The following GRM5 variants were observed in gnomAD, a reference collection of about 807,000 sequenced individuals.
GRM5 encodes the protein metabotropic glutamate receptor 5.
Under a neutral mutation model 83.1 loss-of-function variants are expected in GRM5, and 19 were observed. The ratio of observed to expected loss-of-function variants is 0.23; its 90% CI spans 0.16 to 0.34. The LOEUF is 0.34. GRM5 is among the 10% of genes least tolerant of loss of function. The probability of loss-of-function intolerance (pLI) is 1.00; values close to 1 mark genes in which losing one functional copy is unlikely to be tolerated. For synonymous variants in GRM5, 675 were observed against 633.6 expected, an observed-to-expected ratio of 1.07 and a Z score of -0.98; for missense variants, 1,160 against 1,588.3, an observed-to-expected ratio of 0.73 and a Z score of 4.58.
chr11:88,864,097 T>C (rs1944616546), intron 2 of GRM5, among the ~76,000 whole-genome samples: 1 of 147,142 alleles, frequency 6.8e-6, no homozygotes, highest in Non-Finnish European at 1.5e-5. Context: ...CAGAAGGAGT[T>C]GACTTTGGCA....
intron 3 of GRM5, among the ~76,000 whole-genome samples, chr11:88,700,086 T>C (rs948572456): frequency 6.6e-6 from 1 of 152,102 alleles, no homozygotes; most frequent in African/African-American, 2.4e-5. Context: ...TGAATAAGTA[T>C]GAATTATTGG....
At chr11:88,631,997 A>G (rs1938983064) in intron 4 of GRM5, among the ~76,000 whole-genome samples, 1 of 152,164 alleles carries the variant, frequency 6.6e-6, no homozygotes, top group Non-Finnish European at 1.5e-5. Flanking sequence ...TTAAAGTACT[A>G]TTGACATAGA....
rs975937605 is a variant in GRM5, at chr11:88,507,673, C to T, written c.*919G>A. ...ACGCAACAGCATTCCTAAAGAGTGGCCATGTTTCTTGAAAGAGATAGCCAG... is the reference window on the plus strand; with the variant it reads ...ACGCAACAGCATTCCTAAAGAGTGGTCATGTTTCTTGAAAGAGATAGCCAG... On this transcript the variant is annotated 3_prime_UTR_variant, in exon 10 of 10. Transcript: ENST00000305447. The T allele has an allele frequency of 6.6e-6, 1 of 152,306 alleles. No individual in the cohort carries two copies. Among genetic ancestry groups the T allele is most frequent in the Non-Finnish European group, 1.5e-5 (1 of 68,022 alleles). The allele number at this position is 152,306 out of a possible 1,614,324, so 9.4% of individuals were successfully genotyped here. A position where few individuals can be genotyped will look rare whatever the true frequency, so the allele number is the denominator to read the frequency against.
At chr11:88,554,598 C>T (rs918097466) in intron 8 of GRM5, among the ~76,000 whole-genome samples, 1 of 152,130 alleles carries the variant, frequency 6.6e-6, no homozygotes, top group Non-Finnish European at 1.5e-5. Flanking sequence ...GAGATACTAG[C>T]CAACTTATAT....
intron 2 of GRM5, among the ~76,000 whole-genome samples, chr11:89,046,586 G>A (rs954284628): frequency 6.6e-6 from 1 of 152,032 alleles, no homozygotes; most frequent in African/African-American, 2.4e-5. Context: ...GCACAAAGAA[G>A]CAATAAATTT....
chr11:88,734,333 T>C (rs1252266136), intron 3 of GRM5, among the ~76,000 whole-genome samples: 2 of 151,986 alleles, frequency 1.3e-5, no homozygotes, highest in Non-Finnish European at 2.9e-5. Context: ...AAAAGATAAG[T>C]GTTGGCAAAA....
chr11:88,728,532 G>C (rs1231840102), intron 3 of GRM5, among the ~76,000 whole-genome samples: 1 of 152,118 alleles, frequency 6.6e-6, no homozygotes, highest in East Asian at 1.9e-4. Flanking sequence ...TATGTGGCCA[G>C]CATCATCCTG....
intron 2 of GRM5, among the ~76,000 whole-genome samples, chr11:88,991,624 T>C (rs1306939504): frequency 2.0e-5 from 3 of 150,054 alleles, no homozygotes; most frequent in Non-Finnish European, 4.5e-5. Flanking sequence ...ACTACAAGGC[T>C]ACAGTAACCA....
chr11:89,058,135 A>G lies in GRM5; in HGVS notation c.-201+7641T>C, dbSNP rs560835313. Among the ~76,000 whole-genome samples, 3 of 152,348 alleles carry G rather than the reference A, an allele frequency of 2.0e-5. No homozygotes were observed. The South Asian group carries it at 6.2e-4, about 32-fold the overall frequency. ...AAACCTCATGCATTGATTGCAAAGC[A>G]TTTTGGAGATTCTGCTTTCCATTAA... On this transcript the variant is annotated intron_variant, in intron 1 of 9. Transcript: ENST00000305447.
At chr11:88,976,325 A>T (rs1003207806) in intron 2 of GRM5, among the ~76,000 whole-genome samples, 17 of 152,124 alleles carry the variant, frequency 1.1e-4, no homozygotes, top group African/African-American at 4.1e-4. Flanking sequence ...AAAAATTGAG[A>T]CCTGGCTGGA....
At chr11:88,631,196 T>G (rs138316226) in intron 4 of GRM5, among the ~76,000 whole-genome samples, 12 of 152,312 alleles carry the variant, frequency 7.9e-5, no homozygotes, top group African/African-American at 2.9e-4. Context: ...AGTTAGCTTT[T>G]TATAATATCT....
At chr11:88,875,932 G>T (rs958496212) in intron 2 of GRM5, among the ~76,000 whole-genome samples, 1 of 152,032 alleles carries the variant, frequency 6.6e-6, no homozygotes, top group Non-Finnish European at 1.5e-5. Flanking sequence ...AGTAGATTTA[G>T]CATAGCTCTT....
At chr11:88,984,873 A>T (rs2135030798) in intron 2 of GRM5, 1 of 672,068 alleles carries the variant, frequency 1.5e-6, no homozygotes. Context: ...AAGAACACAC[A>T]CCTGGCAAAT....
intron 8 of GRM5, among the ~76,000 whole-genome samples, chr11:88,556,324 C>CTTTTTT (rs377331160): frequency 2.3e-5 from 3 of 129,744 alleles, no homozygotes; most frequent in African/African-American, 8.7e-5. Flanking sequence ...CTTTTCTTTT[C>CTTTTTT]TTTTTTTTTT....
chr11:88,691,864 A>G (rs753410740), intron 3 of GRM5, among the ~76,000 whole-genome samples: 4 of 152,224 alleles, frequency 2.6e-5, no homozygotes, highest in African/African-American at 4.8e-5. Context: ...GTTCTACAAT[A>G]AACTTTTTAT....
rs371382513 is a variant in GRM5 at position 88,727,294 on chromosome 11, C to T, written c.912-73891G>A. ...AAAGGTCAAAAGAGACAAAGAAGGG[C>T]ATTATATAATGGTAACTGGATCAAT... On this transcript the variant is annotated intron_variant, in intron 3 of 9. Coordinates refer to ENST00000305447, the MANE Select transcript of GRM5 (RefSeq NM_001143831.3). Among the ~76,000 whole-genome samples the T allele has an allele frequency of 4.6e-5, 7 of 152,098 alleles. No individual in the cohort carries two copies. The South Asian group carries it at 1.4e-3, about 31-fold the overall frequency.
At chr11:88,838,060 G>A (rs189428182) in intron 3 of GRM5, among the ~76,000 whole-genome samples, 11 of 120,840 alleles carry the variant, frequency 9.1e-5, no homozygotes, top group East Asian at 2.8e-4. Context: ...ACTCCAGCCT[G>A]GGTGACAGAG....
chr11:88,647,669 C>A (rs557708934), intron 4 of GRM5, among the ~76,000 whole-genome samples: 11 of 152,086 alleles, frequency 7.2e-5, no homozygotes, highest in South Asian at 2.1e-4. Flanking sequence ...TAATTAAACT[C>A]AAGAGCTTCT....
chr11:89,022,486 CAAA>C (rs10573194), intron 2 of GRM5, among the ~76,000 whole-genome samples: 34 of 126,022 alleles, frequency 2.7e-4, no homozygotes, highest in African/African-American at 5.1e-4. Context: ...ACTAAAAATA[CAAA>C]AAAAAAAAAA....
Sources: allele counts gnomAD v4.1 joint callset (sites outside exome capture counted in the v4.1 genomes callset), GRCh38; gene constraint gnomAD v4.1.1; transcripts MANE v1.5; gene names NCBI Gene and HGNC (gene_info 2026-07-23, HGNC 2026-07-21).